Variants in PPP1R7 observed in about 807,000 individuals in gnomAD.
The protein encoded by PPP1R7 is protein phosphatase 1 regulatory subunit 22.
PPP1R7 carries 18 observed loss-of-function variants against 45.2 expected under a neutral mutation model. That is an observed-to-expected ratio of 0.40 (90% CI 0.28 to 0.59). The LOEUF (loss-of-function observed/expected upper bound fraction) is 0.59, where lower values mean the gene tolerates loss of function less well. Ranked by LOEUF, PPP1R7 falls within the 20% of genes least tolerant of loss-of-function variation. PPP1R7 has a pLI of 0.46. For missense variants in PPP1R7, 314 were observed against 455.8 expected (o/e 0.69, Z 2.83); for synonymous variants, 181 against 183.4 (o/e 0.99, Z 0.11).
upstream of PPP1R7, chr2:241,150,438 C>T (rs1232879446): frequency 1.4e-6 from 2 of 1,445,618 alleles, no homozygotes; most frequent in Non-Finnish European, 9.2e-7. Context: ...GAGGCGGGAG[C>T]CCTGATTGGC....
At position 241,150,518 on chromosome 2, in the gene PPP1R7, G is replaced by C. The variant is rs762600580; in HGVS notation, c.23G>C (p.Gly8Ala). The C allele has an allele frequency of 6.3e-7, 1 of 1,599,158 alleles. No individual in the cohort carries two copies. Among genetic ancestry groups the C allele is most frequent in the South Asian group, 1.1e-5 (1 of 89,386 alleles). The change falls in exon 1 of 10, where the codon GGG becomes GCG. Residue 8 changes from glycine (G) to alanine (A), a missense_variant. Around this residue, in one of 3 missense-constraint regions of PPP1R7, gnomAD observed 34 missense variants for 26.0 expected, o/e 1.31. Transcript: ENST00000234038. ...AACATGGCGGCGGAACGCGGCGCGG[G>C]GCAGCAACAGTCGCAGGAGATGATG... MAAERGA[G>A]QQQSQEMMEV...
intron 7 of PPP1R7, among the ~76,000 whole-genome samples, chr2:241,164,687 C>T (rs544438097): frequency 6.6e-6 from 1 of 152,156 alleles, no homozygotes; most frequent in Non-Finnish European, 1.5e-5. Flanking sequence ...TCGCTTGAGC[C>T]CAGGAGTTCA....
At chr2:241,158,220 G>C (rs537411219) in intron 3 of PPP1R7, among the ~76,000 whole-genome samples, 1 of 152,290 alleles carries the variant, frequency 6.6e-6, no homozygotes, top group Admixed American at 6.5e-5. Context: ...CAGAACCTGA[G>C]CTTATGTTTT....
chr2:241,161,384 T>C (rs1242039704), intron 6 of PPP1R7, among the ~76,000 whole-genome samples: 1 of 139,988 alleles, frequency 7.1e-6, no homozygotes, highest in African/African-American at 2.7e-5. Flanking sequence ...CTCTTGATCA[T>C]GGTCATCTTC....
At chr2:241,152,424 A>G (rs1007845448) in intron 1 of PPP1R7, among the ~76,000 whole-genome samples, 1 of 152,224 alleles carries the variant, frequency 6.6e-6, no homozygotes, top group African/African-American at 2.4e-5. Context: ...AGTCACAGAG[A>G]CGAGTTAGGA....
intron 9 of PPP1R7, among the ~76,000 whole-genome samples, chr2:241,173,916 ATT>A (rs10688614): frequency 6.9e-6 from 1 of 145,326 alleles, no homozygotes. Context: ...ATTTGGCTTT[ATT>A]TTTTTTTTTT....
chr2:241,154,025 C>A (rs1291108905), intron 2 of PPP1R7, among the ~76,000 whole-genome samples: 1 of 151,072 alleles, frequency 6.6e-6, no homozygotes, highest in Admixed American at 6.6e-5. Flanking sequence ...ACAAAAAATA[C>A]AAAAATTAGC....
intron 8 of PPP1R7, among the ~76,000 whole-genome samples, chr2:241,167,933 A>G (rs2067748181): frequency 6.6e-6 from 1 of 152,172 alleles, no homozygotes; most frequent in Admixed American, 6.5e-5. Flanking sequence ...AAGTAAATGT[A>G]GTTTTGTCCC....
rs763459725 is a variant in PPP1R7, at chr2:241,153,461, CAT to C, written c.53-14_53-13del. 1,751 of 1,613,970 alleles carry C rather than the reference CAT, an allele frequency of 1.1e-3. 8 individuals are homozygous for C. Among genetic ancestry groups the C allele is most frequent in the Non-Finnish European group, 7.3e-4 (866 of 1,179,890 alleles). ...TAAAGTGGATGTGAATTCTCATTGACATGTGTGGGTTCAGTTGACAGGCGGGT... is the reference window on the plus strand; with the variant it reads ...TAAAGTGGATGTGAATTCTCATTGACGTGTGGGTTCAGTTGACAGGCGGGT... On this transcript the variant is annotated splice_polypyrimidine_tract_variant and intron_variant, in intron 1 of 9. Transcript: ENST00000234038.
chr2:241,181,686 C>T (rs1015998934), intron 9 of PPP1R7, among the ~76,000 whole-genome samples: 9 of 152,166 alleles, frequency 5.9e-5, no homozygotes, highest in African/African-American at 1.7e-4. Context: ...CCTTCCGTTC[C>T]ACATGGACAG....
intron 9 of PPP1R7, among the ~76,000 whole-genome samples, chr2:241,179,181 C>T (rs571196175): frequency 4.3e-4 from 65 of 152,252 alleles, no homozygotes; most frequent in African/African-American, 9.2e-4. Context: ...GCCGTTGGTT[C>T]GGGCAAGGGA....
Position 241,166,954 on chromosome 2 carries a change from C to T in PPP1R7, c.819+513C>T, listed in dbSNP as rs958912369. The T allele has an allele frequency of 1.4e-5, 15 of 1,097,018 alleles. No individual in the cohort carries two copies. The African/African-American group carries it at 1.9e-4, about 14-fold the overall frequency. The allele number at this position is 1,097,018 out of a possible 1,614,324, so 68.0% of individuals were successfully genotyped here. A position where few individuals can be genotyped will look rare whatever the true frequency, so the allele number is the denominator to read the frequency against. On this transcript the variant is annotated intron_variant, in intron 8 of 9. Coordinates refer to ENST00000234038, the MANE Select transcript of PPP1R7 (RefSeq NM_002712.3). ...CTTCCTCTTCTTACAGTATGAGCAG[C>T]TTCCTCCTCCCCCATTCCTCCCTGC...
At position 241,171,106 on chromosome 2, in the gene PPP1R7, G is replaced by A. The variant is rs1445278940; in HGVS notation, c.906+1239G>A. Among the ~76,000 whole-genome samples the A allele has an allele frequency of 3.3e-5, 5 of 152,200 alleles. No homozygotes were observed. In the East Asian group the frequency reaches 9.6e-4, roughly 29 times the overall value. On this transcript the variant is annotated intron_variant, in intron 9 of 9. Transcript: ENST00000234038. ...AGGGAGCAGGTTTGGGAAACGAGCT[G>A]ATACTGAAGCAATGTTCCTGAAGCG...
intron 8 of PPP1R7, chr2:241,166,916 T>C: frequency 1.3e-6 from 1 of 773,100 alleles, no homozygotes; most frequent in Non-Finnish European, 2.1e-6. Flanking sequence ...GGACCAGCTC[T>C]CAGTCCCAGC....
At chr2:241,173,952 A>G (rs1331531760) in intron 9 of PPP1R7, among the ~76,000 whole-genome samples, 1 of 143,886 alleles carries the variant, frequency 6.9e-6, no homozygotes, top group South Asian at 2.1e-4. Context: ...TTCTCTCTTC[A>G]TTAGATTCAT....
In PPP1R7 at chr2:241,180,754, T is replaced by TA. The variant is rs1574739292; in HGVS notation, c.907-1893_907-1892insA. Among the ~76,000 whole-genome samples, 5 of 152,114 alleles carry TA rather than the reference T, an allele frequency of 3.3e-5. No individual in the cohort carries two copies. In the East Asian group the frequency reaches 9.6e-4, roughly 29 times the overall value. On this transcript the variant is annotated intron_variant, in intron 9 of 9. Transcript: ENST00000234038. ...TCACGTCCCGTCCACATGGAGGCAC[T>TA]GGTCGGGACAGCAGCAGCAGGGCAC... is the stretch of plus-strand genomic sequence containing the variant.
intron 2 of PPP1R7, chr2:241,155,298 G>A (rs779039050): frequency 7.9e-5 from 12 of 152,202 alleles, no homozygotes; most frequent in Non-Finnish European, 1.3e-4. Flanking sequence ...TGTTATAGAT[G>A]AGGAAAATGA....
In PPP1R7 at chr2:241,182,631, C is replaced by T; in HGVS notation, c.907-16C>T. 2 of 1,613,494 alleles carry T rather than the reference C, an allele frequency of 1.2e-6. No individual in the cohort carries two copies. The highest frequency in any genetic ancestry group is 1.7e-6 in the Non-Finnish European group (2 of 1,179,472). On this transcript the variant is annotated splice_polypyrimidine_tract_variant and intron_variant, in intron 9 of 9. Coordinates refer to ENST00000234038, the MANE Select transcript of PPP1R7 (RefSeq NM_002712.3). ...CTGTTTGGTTCTAAAGGCTTTTCTGCTGTGTGTGTCCCCAGATGAACGACA... is the reference window on the plus strand; with the variant it reads ...CTGTTTGGTTCTAAAGGCTTTTCTGTTGTGTGTGTCCCCAGATGAACGACA...
intron 2 of PPP1R7, chr2:241,154,903 A>G (rs922422521): frequency 3.3e-5 from 5 of 152,186 alleles, no homozygotes; most frequent in African/African-American, 1.2e-4. Context: ...AAACAAACCT[A>G]ATTTTTAAAA....
Sources: allele counts gnomAD v4.1 joint callset (sites outside exome capture counted in the v4.1 genomes callset), GRCh38; gene constraint gnomAD v4.1.1; regional missense constraint gnomAD v4.1.1; transcripts MANE v1.5; gene names NCBI Gene and HGNC (gene_info 2026-07-23, HGNC 2026-07-21).